The following DNMT1 variants were observed in gnomAD, a reference collection of about 807,000 sequenced individuals.
DNMT1 encodes DNA methyltransferase 1.
Under a neutral mutation model 205.3 loss-of-function variants are expected in DNMT1, and 24 were observed. The ratio of observed to expected loss-of-function variants is 0.12; its 90% confidence interval spans 0.08 to 0.16. DNMT1 has a LOEUF of 0.16. Ranked by LOEUF, DNMT1 falls within the 10% of genes least tolerant of loss-of-function variation. The pLI, the probability that DNMT1 is intolerant of heterozygous loss-of-function variation, is 1.00. For synonymous variants in DNMT1, 817 were observed against 839.8 expected, an observed-to-expected ratio of 0.97 and a Z score of 0.47; for missense variants, 1,293 against 2,177.7, an observed-to-expected ratio of 0.59 and a Z score of 8.09.
At chr19:10,185,146 C>T (rs1400674652) in intron 1 of DNMT1, among the ~76,000 whole-genome samples, 1 of 152,190 alleles carries the variant, frequency 6.6e-6, no homozygotes, top group Admixed American at 6.6e-5. Context: ...TTCTGTAGGG[C>T]CGGGCACGGT....
rs1568248320 is a variant in DNMT1 at position 10,173,076 on chromosome 19, T to C, written c.768+14A>G. 1.9e-6 allele frequency: 3 copies of C among 1,614,036 alleles called. No individual in the cohort carries two copies. The highest frequency in any genetic ancestry group is 2.5e-6 in the Non-Finnish European group (3 of 1,179,980). On this transcript the variant is annotated intron_variant, in intron 9 of 40. Coordinates refer to ENST00000359526, the MANE Select transcript of DNMT1 (RefSeq NM_001130823.3). The stretch of plus-strand genomic sequence containing the variant: ...AAGGGAGAATTAACAAACTTAGAGG[T>C]GATAGAGCTTTACTTTTTCATCTCT...
At position 10,140,683 on chromosome 19, in the gene DNMT1, T is replaced by G; in HGVS notation, c.3523+98A>C. ...GTGCCTGGCCTCGGAAGGAGATTCT[T>G]GAGTCAGGAAGGTGACCGGGGTTGG... On this transcript the variant is annotated intron_variant, in intron 32 of 40. Coordinates refer to ENST00000359526, the MANE Select transcript of DNMT1 (RefSeq NM_001130823.3). This position sits in a 1 kb window ranked among gnomAD's most constrained non-coding sequence, Gnocchi z 8.4. The G allele has an allele frequency of 4.4e-6, 7 of 1,602,094 alleles. No homozygotes were observed. Among genetic ancestry groups the G allele is most frequent in the Non-Finnish European group, 6.0e-6 (7 of 1,170,982 alleles).
intron 9 of DNMT1, among the ~76,000 whole-genome samples, chr19:10,168,868 C>T (rs186094833): frequency 7.9e-5 from 12 of 152,292 alleles, no homozygotes; most frequent in Admixed American, 6.5e-4. Context: ...GACGGAGTCT[C>T]ACTCTGTTAC....
chr19:10,147,878 C>T (rs2038231953), intron 27 of DNMT1, among the ~76,000 whole-genome samples: 1 of 151,892 alleles, frequency 6.6e-6, no homozygotes, highest in Admixed American at 6.6e-5. Context: ...CTTTGGGAAG[C>T]CGAAGCGGGT....
intron 29 of DNMT1, chr19:10,143,000 G>C (rs1239056930): frequency 1.3e-5 from 2 of 153,544 alleles, no homozygotes; most frequent in Non-Finnish European, 2.9e-5. Context: ...GGTGAGGCAA[G>C]TGTATAGCTT....
chr19:10,137,909 C>T lies in DNMT1; in HGVS notation c.4216G>A (p.Gly1406Arg), dbSNP rs1568220739. 6.2e-7 allele frequency: 1 copy of T among 1,613,252 alleles called. No individual in the cohort carries two copies. The highest frequency in any genetic ancestry group is 8.5e-7 in the Non-Finnish European group (1 of 1,179,812). ...GASALEISYN[G>R]EPQSWFQRQL... ...CTCTGGAACCAGGACTGAGGCTCCC[C>T]GTTGTAGGAGATCTCCAGTGCCGAG... The change falls in exon 36 of 41, where the codon GGG becomes AGG. Residue 1406 changes from glycine (G) to arginine (R), a missense_variant. Gly to Arg is a moderately radical substitution (Grantham distance 125). Transcript: ENST00000359526. This position sits in a 1 kb window ranked among gnomAD's most constrained non-coding sequence, Gnocchi z 6.4.
intron 13 of DNMT1, among the ~76,000 whole-genome samples, chr19:10,161,049 G>A (rs1248043186): frequency 6.6e-6 from 1 of 152,006 alleles, no homozygotes; most frequent in Non-Finnish European, 1.5e-5. Context: ...GCTCACGCCT[G>A]TAATCCCAGC....
At position 10,133,744 on chromosome 19, in the gene DNMT1, C is replaced by T. The variant is rs777614111; in HGVS notation, c.4865-43G>A. 17 of 1,561,456 alleles carry T rather than the reference C, an allele frequency of 1.1e-5. No individual in the cohort carries two copies. Among genetic ancestry groups the T allele is most frequent in the African/African-American group, 5.4e-5 (4 of 73,478 alleles). ...GAAAAGTCACTCTGGGGAACACGCC[C>T]GGTGTCACGCCACTTGACAGGCGAG... is the stretch of plus-strand genomic sequence containing the variant. On this transcript the variant is annotated intron_variant, in intron 40 of 40. Transcript: ENST00000359526. This position sits in a 1 kb window ranked among gnomAD's most constrained non-coding sequence, Gnocchi z 4.1.
Position 10,149,994 on chromosome 19 carries a change from G to C in DNMT1, c.2266-26C>G, listed in dbSNP as rs200459764. The C allele has an allele frequency of 3.6e-4, 577 of 1,603,760 alleles. No individual in the cohort carries two copies. The African/African-American group carries it at 6.9e-3, about 19-fold the overall frequency. On this transcript the variant is annotated intron_variant, in intron 24 of 40. Coordinates refer to ENST00000359526, the MANE Select transcript of DNMT1 (RefSeq NM_001130823.3). ...CTGAAAATGAGAGCATAAGTTCATGGAGGATCATTCTGAGGGTCTTTGCTG... is the reference window on the plus strand; with the variant it reads ...CTGAAAATGAGAGCATAAGTTCATGCAGGATCATTCTGAGGGTCTTTGCTG...
In DNMT1 at chr19:10,149,474, G is replaced by A. The variant is rs1424473786; in HGVS notation, c.2565C>T (p.Pro855=). The A allele has an allele frequency of 1.7e-5, 28 of 1,614,030 alleles. No homozygotes were observed. Among genetic ancestry groups the A allele is most frequent in the African/African-American group, 2.7e-5 (2 of 74,924 alleles). The stretch of plus-strand genomic sequence containing the variant: ...TCACCTCCATGGCCCAGTTTTCGGA[G>A]GGGGCTTTGTAGATGACTTTCACTT... ...HSKVKVIYKA[P]SENWAMEGGM... Residue 855 remains proline, a synonymous_variant, in exon 26 of 41, where the codon CCC becomes CCT. Transcript: ENST00000359526.
chr19:10,147,085 C>A (rs2145284923), intron 27 of DNMT1, among the ~76,000 whole-genome samples: 1 of 151,990 alleles, frequency 6.6e-6, no homozygotes, highest in South Asian at 2.1e-4. Flanking sequence ...ACAGTGAGAC[C>A]CCGTCTCTAC....
chr19:10,166,728 G>A (rs2038702312), intron 10 of DNMT1, 43 bp from the exon 11 acceptor site: 2 of 1,611,230 alleles, frequency 1.2e-6, no homozygotes, highest in South Asian at 1.1e-5. Context: ...TCAGCTCGGG[G>A]GGGGCCCTGC....
Position 10,160,083 on chromosome 19 carries a change from C to T in DNMT1, c.1044-20G>A, listed in dbSNP as rs750608925. ...TCCGTTCTGGGGGAAAAAAAAAAAT[C>T]ACAAGATCGTTTGTTTAATTGTTTC... On this transcript the variant is annotated intron_variant, in intron 14 of 40. Transcript: ENST00000359526. 8.7e-6 allele frequency: 14 copies of T among 1,611,358 alleles called. No homozygotes were observed. The East Asian group carries it at 2.0e-4, about 23-fold the overall frequency.
chr19:10,168,406 G>A (rs774687390), intron 9 of DNMT1, 42 bp from the exon 10 acceptor site: 1 of 1,603,858 alleles, frequency 6.2e-7, no homozygotes, highest in Non-Finnish European at 8.5e-7. Flanking sequence ...TTTTCCATTT[G>A]GTTTGGATCT....
chr19:10,185,290 T>C (rs2039156238), intron 1 of DNMT1, among the ~76,000 whole-genome samples: 1 of 151,760 alleles, frequency 6.6e-6, no homozygotes, highest in Non-Finnish European at 1.5e-5. Flanking sequence ...CCAGGCGTGG[T>C]GGTGGGCGCC....
chr19:10,188,731 A>G (rs2039242435), intron 1 of DNMT1, among the ~76,000 whole-genome samples: 1 of 152,218 alleles, frequency 6.6e-6, no homozygotes, highest in African/African-American at 2.4e-5. Context: ...GAACCTTTCT[A>G]GCTGCAGAGA....
chr19:10,160,538 G>T (rs1031891048), intron 13 of DNMT1, 120 bp from the exon 14 acceptor site: 2 of 1,054,520 alleles, frequency 1.9e-6, no homozygotes, highest in East Asian at 2.6e-5. Context: ...GGGGAGGGAG[G>T]CAGTGAGAGG....
rs147752174 is a variant in DNMT1, at chr19:10,165,951, G to A, written c.891+647C>T. Among the ~76,000 whole-genome samples, 12 of 152,282 alleles carry A rather than the reference G, an allele frequency of 7.9e-5. No homozygotes were observed. In the East Asian group the frequency reaches 1.9e-3, roughly 25 times the overall value. Reference sequence around the variant, plus strand: ...AGGGTGCTTGTCACCCAGCAAGCCCGTGACCTTGGGCTCCACTCTCTAGAT... The same window carrying A: ...AGGGTGCTTGTCACCCAGCAAGCCCATGACCTTGGGCTCCACTCTCTAGAT... On this transcript the variant is annotated intron_variant, in intron 11 of 40. Transcript: ENST00000359526.
intron 1 of DNMT1, among the ~76,000 whole-genome samples, chr19:10,185,852 A>G (rs2039168944): frequency 6.6e-6 from 1 of 150,454 alleles, no homozygotes; most frequent in African/African-American, 2.5e-5. Context: ...AGAAAAAAAA[A>G]AAAAAAAAAA....
Sources: allele counts gnomAD v4.1 joint callset (sites outside exome capture counted in the v4.1 genomes callset), GRCh38; gene constraint gnomAD v4.1.1; non-coding constraint Gnocchi (gnomAD v3.1); transcripts MANE v1.5; gene names NCBI Gene and HGNC (gene_info 2026-07-23, HGNC 2026-07-21).